USP24: variants seen among roughly 807,000 people sequenced by gnomAD.
The protein encoded by USP24 is ubiquitin carboxyl-terminal hydrolase 24.
USP24 carries 97 observed loss-of-function variants against 361.6 expected under a neutral mutation model. The ratio of observed to expected loss-of-function variants is 0.27; its 90% confidence interval spans 0.23 to 0.32. USP24 has a LOEUF of 0.32. USP24 is among the 10% of genes least tolerant of loss of function. USP24 has a pLI of 1.00. For synonymous variants in USP24, 1,098 were observed against 1,124.6 expected (o/e 0.98, Z 0.47); for missense variants, 2,353 against 3,165.6 (o/e 0.74, Z 6.16).
chr1:55,167,198 G>A lies in USP24; in HGVS notation c.826-595C>T, dbSNP rs1008753705. Among the ~76,000 whole-genome samples the A allele has an allele frequency of 3.9e-5, 6 of 152,026 alleles. No homozygotes were observed. In the South Asian group the frequency reaches 8.3e-4, roughly 21 times the overall value. ...CAATTCAAATTGTGCTAAGTCCCACGAAAGGAAAAACAAAAAGGCCTCGAA... is the reference window on the plus strand; with the variant it reads ...CAATTCAAATTGTGCTAAGTCCCACAAAAGGAAAAACAAAAAGGCCTCGAA... On this transcript the variant is annotated intron_variant, in intron 5 of 67. Transcript: ENST00000294383.
At chr1:55,078,214 G>A (rs1221443222) in intron 61 of USP24, among the ~76,000 whole-genome samples, 2 of 150,908 alleles carry the variant, frequency 1.3e-5, no homozygotes, top group Non-Finnish European at 2.9e-5. Flanking sequence ...TTGGTCCCTG[G>A]GGTAGCGTGA....
chr1:55,212,656 C>A (rs918212422), intron 1 of USP24, among the ~76,000 whole-genome samples: 7 of 152,132 alleles, frequency 4.6e-5, no homozygotes, highest in Non-Finnish European at 1.0e-4. Context: ...CACAGAGGCA[C>A]ATTCTGCGTT....
Position 55,124,529 on chromosome 1 carries a change from G to A in USP24, c.4060C>T (p.Pro1354Ser), listed in dbSNP as rs200212511. The change falls in exon 35 of 68, where the codon CCA becomes TCA. Residue 1354 changes from proline (P) to serine (S), a missense_variant. This residue lies in a region of USP24 where 949 missense variants were observed against 1,280.5 expected (regional missense o/e 0.74). Transcript: ENST00000294383. ...GRLDLVGSSQ[P>S]IKESNSLCPA... is the part of the protein sequence containing the mutation. ...CACAGGGAATTACTTTCTTTAATTGGCTGGCTACTCCCAACAAGATCAAGC... is the reference window on the plus strand; with the variant it reads ...CACAGGGAATTACTTTCTTTAATTGACTGGCTACTCCCAACAAGATCAAGC... The A allele has an allele frequency of 2.6e-4, 416 of 1,613,534 alleles. No individual in the cohort carries two copies. The highest frequency in any genetic ancestry group is 3.3e-4 in the Non-Finnish European group (388 of 1,179,804).
At chr1:55,108,065 G>C (rs12094832) in intron 39 of USP24, among the ~76,000 whole-genome samples, 1 of 151,914 alleles carries the variant, frequency 6.6e-6, no homozygotes, top group Admixed American at 6.6e-5. Flanking sequence ...GGGGTTAGCA[G>C]AAGTCTCAGG....
intron 12 of USP24, among the ~76,000 whole-genome samples, chr1:55,155,873 T>C (rs1202605349): frequency 6.6e-6 from 1 of 152,174 alleles, no homozygotes; most frequent in Non-Finnish European, 1.5e-5. Flanking sequence ...GCACTTAAAG[T>C]AAAAGCACCT....
chr1:55,094,087 C>T lies in USP24; in HGVS notation c.6204G>A (p.Leu2068=). 6.2e-7 allele frequency: 1 copy of T among 1,611,090 alleles called. No individual in the cohort carries two copies. The highest frequency in any genetic ancestry group is 1.1e-5 in the South Asian group (1 of 90,608). ...AAATTTCTGGTGAAGATGGAGCTGACCTAAGAGATAGAATCAGAAAACTCT... is the reference window on the plus strand; with the variant it reads ...AAATTTCTGGTGAAGATGGAGCTGATCTAAGAGATAGAATCAGAAAACTCT... The part of the protein sequence containing the change: ...VVRQEAEDLS[L]SAPSSPEISP... The change falls in exon 52 of 68, where the codon CTG becomes CTA. Residue 2068 remains leucine, a splice_region_variant and synonymous_variant. Transcript: ENST00000294383.
chr1:55,136,629 T>G (rs945214672), intron 28 of USP24, among the ~76,000 whole-genome samples: 5 of 152,052 alleles, frequency 3.3e-5, no homozygotes, highest in Non-Finnish European at 7.4e-5. Context: ...GTCGATGGAT[T>G]CTGAAGGTGG....
rs1180868951 is a variant in USP24 at position 55,110,195 on chromosome 1, A to T, written c.4560T>A (p.Asp1520Glu). 6.4e-7 allele frequency: 1 copy of T among 1,552,072 alleles called. No individual in the cohort carries two copies. Among genetic ancestry groups the T allele is most frequent in the Non-Finnish European group, 8.7e-7 (1 of 1,147,132 alleles). Reference sequence around the variant, plus strand: ...TAGTCATTTACTTACTTGTCAGATCATCTAATAACTGGCATCTCAAATCAA... The same window carrying T: ...TAGTCATTTACTTACTTGTCAGATCTTCTAATAACTGGCATCTCAAATCAA... ...EYFDLRCQLL[D>E]DLTTSEMEQL... Residue 1520 changes from aspartate (D) to glutamate (E), a missense_variant, in exon 39 of 68, where the codon GAT (aspartate) becomes GAA (glutamate). By Grantham distance (45) the Asp-to-Glu change is conservative (BLOSUM62 2). Transcript: ENST00000294383.
rs1645437947 is a variant in USP24 at position 55,093,976 on chromosome 1, T to C, written c.6315A>G (p.Lys2105=). ...LTKLVKKGEK[K]GLFVEKMPAR... ...CAGGCATTTTCTCCACAAACAGTCC[T>C]TTCTTCTCGCCTTTTTTAACCAGCT... The change falls in exon 52 of 68, where the codon AAA becomes AAG. Residue 2105 remains lysine, a synonymous_variant. Transcript: ENST00000294383. 1 of 1,613,936 alleles carries C rather than the reference T, an allele frequency of 6.2e-7. No homozygotes were observed. Among genetic ancestry groups the C allele is most frequent in the East Asian group, 2.2e-5 (1 of 44,876 alleles).
chr1:55,192,133 A>C (rs1282732408), intron 1 of USP24, among the ~76,000 whole-genome samples: 3 of 138,826 alleles, frequency 2.2e-5, no homozygotes, highest in Non-Finnish European at 4.9e-5. Flanking sequence ...CAAGCTTTTA[A>C]GTTAATAAGA....
At chr1:55,173,422 A>G (rs1353380157) in intron 3 of USP24, among the ~76,000 whole-genome samples, 1 of 152,208 alleles carries the variant, frequency 6.6e-6, no homozygotes, top group Non-Finnish European at 1.5e-5. Flanking sequence ...AGAGAAATTG[A>G]ATGCCCTTAA....
chr1:55,138,660 A>G lies in USP24; in HGVS notation c.2876T>C (p.Leu959Pro). 1 of 1,613,202 alleles carries G rather than the reference A, an allele frequency of 6.2e-7. No individual in the cohort carries two copies. Among genetic ancestry groups the G allele is most frequent in the Non-Finnish European group, 8.5e-7 (1 of 1,179,504 alleles). Residue 959 changes from leucine to proline, a missense_variant, in exon 26 of 68, where the codon CTT becomes CCT. Transcript: ENST00000294383. ...LPHGASFHGH[L>P]LTLNVTYEST... ...CTCATAGGTAACATTAAGGGTTAAA[A>G]GATGTCCATGAAATGAGGCACCATG...
rs6588545 is a variant in USP24, at chr1:55,083,701, T to A, written c.6882+71A>T. The A allele has an allele frequency of 0.059, 66,275 of 1,117,794 alleles. 4,383 individuals carry two copies. The highest frequency in any genetic ancestry group is 0.32 in the African/African-American group (20,147 of 62,720). The allele number at this position is 1,117,794 out of a possible 1,614,324, so 69.2% of individuals were successfully genotyped here. ...AAACATACCATATAGAACTTTACTA[T>A]CCAGTCTAAAAATTTTTTAGAGTAT... On this transcript the variant is annotated intron_variant, in intron 57 of 67. Transcript: ENST00000294383.
chr1:55,207,384 C>G (rs77712813), intron 1 of USP24, among the ~76,000 whole-genome samples: 1 of 151,762 alleles, frequency 6.6e-6, no homozygotes, highest in Non-Finnish European at 1.5e-5. Flanking sequence ...TTCTGACCAA[C>G]AAGTCTTCCT....
At chr1:55,195,606 T>C (rs1277824156) in intron 1 of USP24, among the ~76,000 whole-genome samples, 2 of 152,330 alleles carry the variant, frequency 1.3e-5, no homozygotes. Context: ...AGGAGGCCCA[T>C]TCAGCCTTTA....
intron 8 of USP24, among the ~76,000 whole-genome samples, chr1:55,161,372 G>GAA (rs962047910): frequency 7.9e-6 from 1 of 127,298 alleles, no homozygotes; most frequent in South Asian, 2.5e-4. Flanking sequence ...ACTCTGTCTG[G>GAA]AAAAAAAAAA....
chr1:55,162,780 T>C (rs188795345), intron 7 of USP24, among the ~76,000 whole-genome samples: 1 of 152,252 alleles, frequency 6.6e-6, no homozygotes, highest in East Asian at 1.9e-4. Flanking sequence ...ACGATCTCAG[T>C]AGAATTTTCT....
At chr1:55,162,538 T>C (rs1419054524) in intron 7 of USP24, among the ~76,000 whole-genome samples, 1 of 152,192 alleles carries the variant, frequency 6.6e-6, no homozygotes, top group Non-Finnish European at 1.5e-5. Context: ...TAAAGTTACA[T>C]TGTAGAATAC....
intron 1 of USP24, among the ~76,000 whole-genome samples, chr1:55,180,111 A>C (rs927082886): frequency 6.6e-5 from 10 of 152,100 alleles, no homozygotes; most frequent in Non-Finnish European, 1.0e-4. Context: ...CATGTATCGG[A>C]CTATTTTCCC....
Sources: gnomAD v4.1 joint callset for allele counts (sites outside exome capture counted in the v4.1 genomes callset) on GRCh38, gnomAD v4.1.1 for gene constraint, gnomAD v4.1.1 regional missense constraint, MANE v1.5 for transcripts, NCBI Gene and HGNC (gene_info 2026-07-23, HGNC 2026-07-21) for gene names.